The following SCML4 variants were observed in gnomAD, a reference collection of about 807,000 sequenced individuals.
SCML4 encodes the protein sex comb on midleg-like protein 4.
In SCML4, 34 loss-of-function variants were observed where a neutral mutation model predicts 41.1. The observed-to-expected ratio is 0.83, with a 90% CI of 0.63 to 1.10. SCML4 has a LOEUF of 1.10. SCML4 is among the 50% of genes least tolerant of loss of function. The probability of loss-of-function intolerance (pLI) is 0.00; values close to 1 mark genes in which losing one functional copy is unlikely to be tolerated. For missense variants in SCML4, 522 were observed against 534.1 expected (o/e 0.98, Z 0.22); for synonymous variants, 214 against 220.9 (o/e 0.97, Z 0.28).
At chr6:107,785,372 G>A (rs1781809075) in intron 1 of SCML4, among the ~76,000 whole-genome samples, 1 of 152,234 alleles carries the variant, frequency 6.6e-6, no homozygotes, top group African/African-American at 2.4e-5. Context: ...CTGCTGAGGA[G>A]CTGATCTCAG....
chr6:107,821,256 G>A (rs1784923225), intron 1 of SCML4, among the ~76,000 whole-genome samples: 1 of 151,928 alleles, frequency 6.6e-6, no homozygotes, highest in African/African-American at 2.4e-5. Flanking sequence ...GCCGTTTAAT[G>A]TCTCTCCCAG....
At chr6:107,752,998 C>T (rs1262160020) in intron 2 of SCML4, among the ~76,000 whole-genome samples, 1 of 152,080 alleles carries the variant, frequency 6.6e-6, no homozygotes, top group South Asian at 2.1e-4. Context: ...AAAGTCAACT[C>T]CTCTTTCAAG....
chr6:107,728,284 G>C, intron 5 of SCML4, among the ~76,000 whole-genome samples: 1 of 152,144 alleles, frequency 6.6e-6, no homozygotes, highest in South Asian at 2.1e-4. Context: ...TGGGAATGGG[G>C]AACAAGGGAA....
chr6:107,776,043 A>T (rs1381277850), intron 1 of SCML4, among the ~76,000 whole-genome samples: 1 of 152,202 alleles, frequency 6.6e-6, no homozygotes, highest in African/African-American at 2.4e-5. Context: ...AACATTAAAA[A>T]GTCCTAAAGA....
the SCML4 span, among the ~76,000 whole-genome samples, chr6:107,836,094 A>G: frequency 6.6e-6 from 1 of 151,756 alleles, no homozygotes; most frequent in South Asian, 2.1e-4. Flanking sequence ...GATGGCAGCA[A>G]TTTTTGCTCC....
chr6:107,803,152 G>A (rs1452398498), intron 1 of SCML4, among the ~76,000 whole-genome samples: 2 of 151,670 alleles, frequency 1.3e-5, no homozygotes, highest in African/African-American at 4.9e-5. Flanking sequence ...TTGCGCCTTT[G>A]CCCGGCCGCC....
the SCML4 span, among the ~76,000 whole-genome samples, chr6:107,837,034 C>G: frequency 6.6e-6 from 1 of 152,184 alleles, no homozygotes; most frequent in Non-Finnish European, 1.5e-5. Flanking sequence ...TCCCTGCATA[C>G]ATTAGGAATT....
chr6:107,793,201 G>C (rs886978028), intron 1 of SCML4, among the ~76,000 whole-genome samples: 1 of 152,190 alleles, frequency 6.6e-6, no homozygotes, highest in Non-Finnish European at 1.5e-5. Context: ...AAGGGTGAGG[G>C]TATCCAGCTA....
Position 107,711,725 on chromosome 6 carries a change from G to A in SCML4, c.974-3714C>T, listed in dbSNP as rs368864402. ...ACTTCTATTTTAAGGCTAGAAAAAA[G>A]ACAAGGCTCTGAACAATGAAGCGGC... On this transcript the variant is annotated intron_variant, in intron 6 of 7. Coordinates refer to ENST00000369020, the MANE Select transcript of SCML4 (RefSeq NM_198081.5). Among the ~76,000 whole-genome samples the A allele has an allele frequency of 2.0e-5, 3 of 152,106 alleles. No individual in the cohort carries two copies. In the East Asian group the frequency reaches 5.8e-4, roughly 29 times the overall value.
chr6:107,764,839 C>T (rs1458664698), intron 2 of SCML4, among the ~76,000 whole-genome samples: 1 of 152,082 alleles, frequency 6.6e-6, no homozygotes, highest in African/African-American at 2.4e-5. Context: ...GTGAATAAGT[C>T]TCACCAGATC....
At chr6:107,717,356 A>T (rs1473190964) in intron 6 of SCML4, among the ~76,000 whole-genome samples, 1 of 151,804 alleles carries the variant, frequency 6.6e-6, no homozygotes, top group Non-Finnish European at 1.5e-5. Flanking sequence ...AGGATGAATA[A>T]TTTCATTTTT....
intron 1 of SCML4, among the ~76,000 whole-genome samples, chr6:107,806,728 C>T (rs1305835110): frequency 6.6e-6 from 1 of 152,264 alleles, no homozygotes; most frequent in African/African-American, 2.4e-5. Context: ...GCTCCCACCC[C>T]AGCCCCAGGA....
rs531092409 is a variant in SCML4 at position 107,730,289 on chromosome 6, C to T, written c.683-9296G>A. On this transcript the variant is annotated intron_variant, in intron 5 of 7. Transcript: ENST00000369020. ...CCTGTTGGAGGATCTAACTCCTGCACACAGAGTCCCGGCAGACCGTAGGGC... is the reference window on the plus strand; with the variant it reads ...CCTGTTGGAGGATCTAACTCCTGCATACAGAGTCCCGGCAGACCGTAGGGC... Among the ~76,000 whole-genome samples, 114 of 152,174 alleles carry T rather than the reference C, an allele frequency of 7.5e-4. 3 individuals are homozygous for T. The South Asian group carries it at 0.023, about 31-fold the overall frequency.
chr6:107,731,644 ACCCCCACACCCTGC>A (rs1776560915), intron 5 of SCML4, among the ~76,000 whole-genome samples: 1 of 151,626 alleles, frequency 6.6e-6, no homozygotes, highest in East Asian at 1.9e-4. Flanking sequence ...AGCCCTGCCG[ACCCCCACACCCTGC>A]CCAGGCAATG....
intron 6 of SCML4, among the ~76,000 whole-genome samples, chr6:107,717,854 A>C (rs1402926599): frequency 6.6e-6 from 1 of 152,160 alleles, no homozygotes; most frequent in East Asian, 1.9e-4. Context: ...GGCTGGTTCT[A>C]ATACTTCTAA....
intron 5 of SCML4, among the ~76,000 whole-genome samples, chr6:107,729,499 C>A (rs1296401789): frequency 6.6e-6 from 1 of 152,208 alleles, no homozygotes; most frequent in Non-Finnish European, 1.5e-5. Context: ...ATCCTATTTC[C>A]AAATAAGATC....
intron 6 of SCML4, among the ~76,000 whole-genome samples, chr6:107,714,005 A>C (rs1012432005): frequency 3.9e-5 from 6 of 152,106 alleles, no homozygotes. Context: ...TCCGCCTCCC[A>C]GGTTCAAGTG....
At chr6:107,707,830 C>T (rs1355711871) in intron 7 of SCML4, 36 bp downstream of exon 7, 1 of 1,551,510 alleles carries the variant, frequency 6.4e-7, no homozygotes, top group Non-Finnish European at 8.7e-7. Flanking sequence ...CCTGCTCCCT[C>T]AATCCCCCCC....
Position 107,746,795 on chromosome 6 carries a change from T to C in SCML4, c.381A>G (p.Pro127=). ...GGACGGCCTGCTGCAGCACCGCCGA[T>C]GGCCGCTCGGGCCCAAAATGCTCCG... is the stretch of plus-strand genomic sequence containing the variant. ...QLPEHFGPER[P]SAVLQQAVQA... Residue 127 remains proline (P), a synonymous_variant, in exon 4 of 8, where the codon CCA becomes CCG. Coordinates refer to ENST00000369020, the MANE Select transcript of SCML4 (RefSeq NM_198081.5). 2 of 1,614,140 alleles carry C rather than the reference T, an allele frequency of 1.2e-6. No homozygotes were observed. Among genetic ancestry groups the C allele is most frequent in the Non-Finnish European group, 1.7e-6 (2 of 1,180,006 alleles).
Sources: allele counts gnomAD v4.1 joint callset (sites outside exome capture counted in the v4.1 genomes callset), GRCh38; gene constraint gnomAD v4.1.1; transcripts MANE v1.5; gene names NCBI Gene and HGNC (gene_info 2026-07-23, HGNC 2026-07-21).